The following TRIML1 variants were observed in gnomAD, a reference collection of about 807,000 sequenced individuals.
The protein encoded by TRIML1 is tripartite motif family like 1, also known as probable E3 ubiquitin-protein ligase TRIML1.
TRIML1 carries 34 observed loss-of-function variants against 32.3 expected under a neutral mutation model. The ratio of observed to expected loss-of-function variants is 1.05; its 90% CI spans 0.80 to 1.40. The LOEUF (loss-of-function observed/expected upper bound fraction) is 1.40. TRIML1 is among the 40% of genes most tolerant of loss of function. The pLI, the probability that TRIML1 is intolerant of heterozygous loss-of-function variation, is 0.00. For synonymous variants in TRIML1, 244 were observed against 226.6 expected (o/e 1.08, Z -0.69); for missense variants, 595 against 574.9 (o/e 1.03, Z -0.36).
Position 188,144,935 on chromosome 4 carries a change from C to T in TRIML1, c.856+802C>T, listed in dbSNP as rs569658666. ...ACAATCTGACCTTCAGAGGAAGAGG[C>T]CTAATGAGCTTTGAACTCCAGAGTG... On this transcript the variant is annotated intron_variant, in intron 5 of 5. Coordinates refer to ENST00000332517, the MANE Select transcript of TRIML1 (RefSeq NM_178556.5). Among the ~76,000 whole-genome samples, 24 of 152,202 alleles carry T rather than the reference C, an allele frequency of 1.6e-4. No homozygotes were observed. In the East Asian group the frequency reaches 4.3e-3, roughly 27 times the overall value.
Position 188,140,383 on chromosome 4 carries a change from A to G in TRIML1, c.409-145A>G, listed in dbSNP as rs532867472. 34 of 614,396 alleles carry G rather than the reference A, an allele frequency of 5.5e-5. No homozygotes were observed. In the South Asian group the frequency reaches 6.8e-4, roughly 12 times the overall value. 38.1% of individuals were successfully genotyped at this position (614,396 alleles called of 1,614,324 possible). A position where few individuals can be genotyped will look rare whatever the true frequency, so the allele number is the denominator to read the frequency against. The stretch of plus-strand genomic sequence containing the variant: ...GTGATCCGCCTGCCTCGGCCTCCCA[A>G]AGTGCTGGGATTACAGGCGTGAGGC... On this transcript the variant is annotated intron_variant, in intron 1 of 5. Transcript: ENST00000332517.
chr4:188,143,763 A>G (rs927720236), intron 3 of TRIML1, 75 bp from the exon 4 acceptor site: 99 of 1,561,602 alleles, frequency 6.3e-5, no homozygotes, highest in Non-Finnish European at 8.2e-5. Flanking sequence ...CTTTGCAAGG[A>G]CTGTATGCAA....
chr4:188,139,785 G>A lies in TRIML1; in HGVS notation c.227G>A (p.Ser76Asn). 6.2e-7 allele frequency: 1 copy of A among 1,613,966 alleles called. No homozygotes were observed. Residue 76 changes from serine (S) to asparagine (N), a missense_variant, in exon 1 of 6, where the codon AGC becomes AAC. Coordinates refer to ENST00000332517, the MANE Select transcript of TRIML1 (RefSeq NM_178556.5). ...AACGAGCGTCTGGGGAGGCTGGCCAGCATCGCCAGGCAGCTCCGGTCCCAG... is the reference window on the plus strand; with the variant it reads ...AACGAGCGTCTGGGGAGGCTGGCCAACATCGCCAGGCAGCTCCGGTCCCAG... ...QSNERLGRLASIARQLRSQVL... is the reference protein window; with the variant it reads ...QSNERLGRLANIARQLRSQVL...
upstream of TRIML1, chr4:188,139,346 G>C (rs1734757023): frequency 2.0e-6 from 1 of 496,510 alleles, no homozygotes; most frequent in Non-Finnish European, 3.5e-6. Context: ...GAGGAGCCCA[G>C]TATACAGGAG....
At chr4:188,141,650 C>A (rs936384459) in intron 2 of TRIML1, among the ~76,000 whole-genome samples, 3 of 152,094 alleles carry the variant, frequency 2.0e-5, no homozygotes, top group Admixed American at 6.6e-5. Flanking sequence ...ATTTCTTACT[C>A]ATTTTTGGTT....
At chr4:188,150,081 G>C (rs1282712614), downstream of TRIML1, among the ~76,000 whole-genome samples, 2 of 152,008 alleles carry the variant, frequency 1.3e-5, no homozygotes, top group Non-Finnish European at 2.9e-5. Flanking sequence ...TGAGATTAGA[G>C]ACGTGAGCCA....
chr4:188,145,416 T>C (rs1436004893), intron 5 of TRIML1, among the ~76,000 whole-genome samples: 2 of 124,022 alleles, frequency 1.6e-5, no homozygotes, highest in African/African-American at 6.4e-5. Context: ...CATTCCAGCC[T>C]GGGCGACAGA....
Position 188,142,442 on chromosome 4 carries a change from T to C in TRIML1, c.695T>C (p.Ile232Thr). 6.2e-7 allele frequency: 1 copy of C among 1,613,874 alleles called. No individual in the cohort carries two copies. The highest frequency in any genetic ancestry group is 8.5e-7 in the Non-Finnish European group (1 of 1,179,994). ...IRSLSKMIAQ[I>T]ESSSQSSAFE... ...AGCCTAAGCAAAATGATCGCACAGA[T>C]TGAGTCCTCAAGTCAAAGCTCGGCT... Residue 232 changes from isoleucine to threonine, a missense_variant, in exon 3 of 6, where the codon ATT (isoleucine) becomes ACT (threonine). Transcript: ENST00000332517.
Position 188,143,847 on chromosome 4 carries a change from G to A in TRIML1, c.745G>A (p.Gly249Arg), listed in dbSNP as rs1734954374. Residue 249 changes from glycine (G) to arginine (R), a missense_variant, in exon 4 of 6, where the codon GGA becomes AGA. Transcript: ENST00000332517. ...SAFESLEEVR[G>R]ALERSEPLLL... Reference sequence around the variant, plus strand: ...TCTTTTTTACCCGTAGGAAGTGAGAGGAGCCCTGGAAAGGTAGGCTTTCAT... The same window carrying A: ...TCTTTTTTACCCGTAGGAAGTGAGAAGAGCCCTGGAAAGGTAGGCTTTCAT... 1.7e-5 allele frequency: 28 copies of A among 1,614,170 alleles called. No individual in the cohort carries two copies. The highest frequency in any genetic ancestry group is 2.4e-5 in the Non-Finnish European group (28 of 1,180,032).
Position 188,142,384 on chromosome 4 carries a change from A to C in TRIML1, c.637A>C (p.Asn213His). The change falls in exon 3 of 6, where the codon AAC becomes CAC. Residue 213 changes from asparagine (N) to histidine (H), a missense_variant. Asn to His is a moderately conservative substitution (Grantham distance 68, BLOSUM62 1). Transcript: ENST00000332517. ...EEKENMRKLR[N>H]NEIKLTQQIR... is the part of the protein sequence containing the mutation. Reference sequence around the variant, plus strand: ...GAAAGAGAACATGAGGAAGCTGAGGAACAATGAGATCAAACTGACCCAGCA... The same window carrying C: ...GAAAGAGAACATGAGGAAGCTGAGGCACAATGAGATCAAACTGACCCAGCA... 6.2e-7 allele frequency: 1 copy of C among 1,613,950 alleles called. No individual in the cohort carries two copies. Among genetic ancestry groups the C allele is most frequent in the South Asian group, 1.1e-5 (1 of 91,066 alleles).
intron 5 of TRIML1, among the ~76,000 whole-genome samples, chr4:188,145,899 G>A (rs943085361): frequency 6.6e-6 from 1 of 152,092 alleles, no homozygotes; most frequent in African/African-American, 2.4e-5. Flanking sequence ...TGGTCCCTGG[G>A]TGCTGCACTG....
chr4:188,150,484 C>A (rs1355111530), downstream of TRIML1, among the ~76,000 whole-genome samples: 3 of 152,132 alleles, frequency 2.0e-5, no homozygotes, highest in Admixed American at 2.0e-4. Context: ...AGCTAAGAAA[C>A]AAAATGATAA....
At chr4:188,150,171 C>G (rs1039691326), downstream of TRIML1, among the ~76,000 whole-genome samples, 1 of 151,312 alleles carries the variant, frequency 6.6e-6, no homozygotes, top group Admixed American at 6.6e-5. Context: ...TTTTACCCAG[C>G]CTGGAGTGAA....
upstream of TRIML1, among the ~76,000 whole-genome samples, chr4:188,139,190 C>T (rs921049598): frequency 4.6e-5 from 7 of 152,216 alleles, no homozygotes; most frequent in Non-Finnish European, 5.9e-5. Flanking sequence ...AGCTTCCAGC[C>T]TAAAACCCAC....
downstream of TRIML1, among the ~76,000 whole-genome samples, chr4:188,148,945 G>C (rs1735180555): frequency 9.2e-6 from 1 of 108,170 alleles, no homozygotes; most frequent in African/African-American, 3.7e-5. Flanking sequence ...GAGTAGTCTT[G>C]CTCTGTCACC....
At chr4:188,138,039 C>G (rs1470463210), upstream of TRIML1, among the ~76,000 whole-genome samples, 1 of 151,626 alleles carries the variant, frequency 6.6e-6, no homozygotes, top group Non-Finnish European at 1.5e-5. Context: ...CCTGATGCCA[C>G]CTCTCTTCCT....
chr4:188,139,935 A>G lies in TRIML1; in HGVS notation c.377A>G (p.His126Arg). The change falls in exon 1 of 6, where the codon CAT becomes CGT. Residue 126 changes from histidine (H) to arginine (R), a missense_variant. By Grantham distance (29) the His-to-Arg change is conservative. Transcript: ENST00000332517. ...CAGAGCCATGGTGCAAACAGAGTGC[A>G]TCTCTCCAGCGAGGCTGAGGAGCAT... ...VAQSHGANRV[H>R]LSSEAEEHHR... is the part of the protein sequence containing the mutation. 1 of 1,612,616 alleles carries G rather than the reference A, an allele frequency of 6.2e-7. No homozygotes were observed. Among genetic ancestry groups the G allele is most frequent in the Non-Finnish European group, 8.5e-7 (1 of 1,179,220 alleles).
chr4:188,137,916 C>CTTTTTTTTTTTTTT (rs1298700958), upstream of TRIML1, among the ~76,000 whole-genome samples: 7 of 131,522 alleles, frequency 5.3e-5, 2 homozygotes. Context: ...CCTGGCCAAA[C>CTTTTTTTTTTTTTT]TTTTTTTCTT....
At position 188,144,029 on chromosome 4, in the gene TRIML1, C is replaced by T. The variant is rs746973958; in HGVS notation, c.759-7C>T. On this transcript the variant is annotated splice_region_variant and splice_polypyrimidine_tract_variant and intron_variant, in intron 4 of 5. Transcript: ENST00000332517. ...GCCGAGGAGTGAACCTCTCTGCTCT[C>T]TTGCAGGAGCGAGCCACTCTTGCTT... 1 of 1,613,476 alleles carries T rather than the reference C, an allele frequency of 6.2e-7. No individual in the cohort carries two copies. Among genetic ancestry groups the T allele is most frequent in the Non-Finnish European group, 8.5e-7 (1 of 1,179,744 alleles).
Sources: gnomAD v4.1 joint callset for allele counts (sites outside exome capture counted in the v4.1 genomes callset) on GRCh38, gnomAD v4.1.1 for gene constraint, MANE v1.5 for transcripts, NCBI Gene and HGNC (gene_info 2026-07-23, HGNC 2026-07-21) for gene names.